PIK3IP1: variants seen among roughly 807,000 people sequenced by gnomAD.
The protein encoded by PIK3IP1 is phosphoinositide-3-kinase-interacting protein 1.
PIK3IP1 carries 28 observed loss-of-function variants against 30.7 expected under a neutral mutation model. The ratio of observed to expected loss-of-function variants is 0.91; its 90% CI spans 0.68 to 1.25. The LOEUF is 1.25. Ranked by LOEUF, PIK3IP1 falls within the 50% of genes most tolerant of loss-of-function variation. The pLI is 0.00. For missense variants in PIK3IP1, 333 were observed against 346.2 expected (o/e 0.96, Z 0.30); for synonymous variants, 159 against 140.8 (o/e 1.13, Z -0.91).
chr22:31,285,117 C>T (rs1383413081), intron 5 of PIK3IP1, among the ~76,000 whole-genome samples: 2 of 151,986 alleles, frequency 1.3e-5, no homozygotes, highest in African/African-American at 4.8e-5. Flanking sequence ...CACCACAGAC[C>T]TCATTCAGAC....
At position 31,283,164 on chromosome 22, in the gene PIK3IP1, C is replaced by T; in HGVS notation, c.712G>A (p.Val238Ile). Residue 238 changes from valine (V) to isoleucine (I), a missense_variant, in exon 6 of 6, where the codon GTC becomes ATC. Coordinates refer to ENST00000215912, the MANE Select transcript of PIK3IP1 (RefSeq NM_052880.5). ...TCAACTGGAGTCTGGCTGGTGTGGACCACGACAGTCTTCTCATCCACAATC... is the reference window on the plus strand; with the variant it reads ...TCAACTGGAGTCTGGCTGGTGTGGATCACGACAGTCTTCTCATCCACAATC... ...CEIVDEKTVVVHTSQTPVDPQ... is the reference protein window; with the variant it reads ...CEIVDEKTVVIHTSQTPVDPQ... 6.2e-7 allele frequency: 1 copy of T among 1,614,104 alleles called. No individual in the cohort carries two copies. The highest frequency in any genetic ancestry group is 8.5e-7 in the Non-Finnish European group (1 of 1,180,008).
intron 1 of PIK3IP1, among the ~76,000 whole-genome samples, chr22:31,291,827 A>G (rs2034758337): frequency 6.6e-6 from 1 of 152,142 alleles, no homozygotes; most frequent in African/African-American, 2.4e-5. Context: ...TCCCAGGAGA[A>G]TTCTCCAGGA....
At chr22:31,291,344 G>A (rs779340365) in intron 1 of PIK3IP1, 48 bp from the exon 2 acceptor site, 4 of 1,527,342 alleles carry the variant, frequency 2.6e-6, no homozygotes, top group South Asian at 1.2e-5. Context: ...GCAGCGAACG[G>A]AAGACGCCCA....
rs1174864471 is a variant in PIK3IP1 at position 31,282,084 on chromosome 22, TA to T, written c.*999del. 2.6e-5 allele frequency: 4 copies of T among 152,236 alleles called. No homozygotes were observed. The highest frequency in any genetic ancestry group is 2.9e-5 in the Non-Finnish European group (2 of 68,060). The allele number at this position is 152,236 out of a possible 1,614,324, so 9.4% of individuals were successfully genotyped here. A position where few individuals can be genotyped will look rare whatever the true frequency, so the allele number is the denominator to read the frequency against. Reference sequence around the variant, plus strand: ...ATGGTTCTTTGATTGCTTTATGAGTTAGGGGCTGTGACCCTAGCCCCAGTGC... The same window carrying T: ...ATGGTTCTTTGATTGCTTTATGAGTTGGGGCTGTGACCCTAGCCCCAGTGC... On this transcript the variant is annotated 3_prime_UTR_variant, in exon 6 of 6. Coordinates refer to ENST00000215912, the MANE Select transcript of PIK3IP1 (RefSeq NM_052880.5).
chr22:31,291,093 G>A lies in PIK3IP1; in HGVS notation c.188-9C>T. The A allele has an allele frequency of 6.5e-7, 1 of 1,549,002 alleles. No homozygotes were observed. The highest frequency in any genetic ancestry group is 8.7e-7 in the Non-Finnish European group (1 of 1,146,312). On this transcript the variant is annotated splice_polypyrimidine_tract_variant and intron_variant, in intron 2 of 5. Coordinates refer to ENST00000215912, the MANE Select transcript of PIK3IP1 (RefSeq NM_052880.5). Reference sequence around the variant, plus strand: ...ACTGTGATTGCCGGCCCCTAAGAGAGGAGAGAAGGAAATGTGTGCCGGGGC... The same window carrying A: ...ACTGTGATTGCCGGCCCCTAAGAGAAGAGAGAAGGAAATGTGTGCCGGGGC...
chr22:31,289,403 A>G lies in PIK3IP1; in HGVS notation c.509-10T>C, dbSNP rs1184029180. The G allele has an allele frequency of 6.2e-7, 1 of 1,600,568 alleles. No individual in the cohort carries two copies. ...ATGCCCAGCACGTAGCCTGCCAAGGATAGGACACAAGGTCCCATTAGCCAC... is the reference window on the plus strand; with the variant it reads ...ATGCCCAGCACGTAGCCTGCCAAGGGTAGGACACAAGGTCCCATTAGCCAC... On this transcript the variant is annotated splice_polypyrimidine_tract_variant and intron_variant, in intron 4 of 5. Transcript: ENST00000215912.
In PIK3IP1 at chr22:31,282,905, C is replaced by T. The variant is rs2049100285; in HGVS notation, c.*179G>A. 1.5e-5 allele frequency: 9 copies of T among 598,894 alleles called. No homozygotes were observed. The highest frequency in any genetic ancestry group is 1.2e-4 in the South Asian group (6 of 50,354). The allele number at this position is 598,894 out of a possible 1,614,324, so 37.1% of individuals were successfully genotyped here. A position where few individuals can be genotyped will look rare whatever the true frequency, so the allele number is the denominator to read the frequency against. ...GACAAGGAGCACTGTTAGGACCCTACCCAGCCTTACCCTCAGCCCACAGGG... is the reference window on the plus strand; with the variant it reads ...GACAAGGAGCACTGTTAGGACCCTATCCAGCCTTACCCTCAGCCCACAGGG... On this transcript the variant is annotated 3_prime_UTR_variant, in exon 6 of 6. Transcript: ENST00000215912.
At chr22:31,286,994 G>C (rs1815224194) in intron 5 of PIK3IP1, among the ~76,000 whole-genome samples, 1 of 146,200 alleles carries the variant, frequency 6.8e-6, no homozygotes, top group African/African-American at 2.5e-5. Context: ...AGAAATCAGA[G>C]AGTACTAGTC....
At position 31,283,173 on chromosome 22, in the gene PIK3IP1, T is replaced by G. The variant is rs2049102980; in HGVS notation, c.703A>C (p.Thr235Pro). 3 of 1,614,148 alleles carry G rather than the reference T, an allele frequency of 1.9e-6. No individual in the cohort carries two copies. The highest frequency in any genetic ancestry group is 1.7e-5 in the Admixed American group (1 of 60,020). Residue 235 changes from threonine to proline, a missense_variant, in exon 6 of 6, where the codon ACT (threonine) becomes CCT (proline). By Grantham distance (38) the Thr-to-Pro change is conservative (BLOSUM62 -1). Transcript: ENST00000215912. ...GTCTGGCTGGTGTGGACCACGACAG[T>G]CTTCTCATCCACAATCTCACAGGTG... ...NPTCEIVDEK[T>P]VVVHTSQTPV...
chr22:31,291,355 G>T, intron 1 of PIK3IP1, 59 bp from the exon 2 acceptor site: 1 of 1,510,736 alleles, frequency 6.6e-7, no homozygotes, highest in African/African-American at 1.4e-5. Context: ...AAGACGCCCA[G>T]CGTGGCGGAC....
intron 1 of PIK3IP1, 115 bp downstream of exon 1, chr22:31,292,160 A>G (rs1281978798): frequency 9.7e-7 from 1 of 1,031,416 alleles, no homozygotes; most frequent in Non-Finnish European, 1.5e-6. Flanking sequence ...TCACGGGACA[A>G]CAGAAACCGG....
intron 5 of PIK3IP1, among the ~76,000 whole-genome samples, chr22:31,286,529 T>C (rs376363415): frequency 1.3e-5 from 2 of 152,208 alleles, no homozygotes; most frequent in East Asian, 3.8e-4. Context: ...TGGTCGTTAG[T>C]GACGGGGAGT....
chr22:31,288,241 G>A (rs559209472), intron 5 of PIK3IP1, among the ~76,000 whole-genome samples: 1 of 152,102 alleles, frequency 6.6e-6, no homozygotes, highest in Non-Finnish European at 1.5e-5. Flanking sequence ...GCCAGGCATG[G>A]TGGGACATGC....
chr22:31,291,278 C>T lies in PIK3IP1; in HGVS notation c.89G>A (p.Gly30Asp), dbSNP rs929776781. 2.1e-5 allele frequency: 32 copies of T among 1,556,192 alleles called. No homozygotes were observed. Among genetic ancestry groups the T allele is most frequent in the Non-Finnish European group, 2.8e-5 (32 of 1,150,666 alleles). ...YGSGGCFWDN[G>D]HLYREDQTSP... ...GGTCTGGTCCTCCCGGTACAGGTGG[C>T]CGTTGTCCCAGAAACAGCCTGTGAG... Residue 30 changes from glycine (G) to aspartate (D), a missense_variant, in exon 2 of 6, where the codon GGC (glycine) becomes GAC (aspartate). By Grantham distance (94) the Gly-to-Asp change is moderately conservative. This residue lies in a region of PIK3IP1 where 111 missense variants were observed against 100.1 expected (regional missense o/e 1.11). Coordinates refer to ENST00000215912, the MANE Select transcript of PIK3IP1 (RefSeq NM_052880.5).
intron 1 of PIK3IP1, 72 bp downstream of exon 1, chr22:31,292,203 G>T: frequency 1.4e-6 from 2 of 1,474,406 alleles, no homozygotes; most frequent in African/African-American, 1.4e-5. Context: ...TCCTGGCCCT[G>T]TTTGGGAAAT....
intron 5 of PIK3IP1, 41 bp downstream of exon 5, chr22:31,289,274 C>T (rs753074560): frequency 2.5e-6 from 4 of 1,599,358 alleles, no homozygotes; most frequent in South Asian, 2.2e-5. Context: ...GTGTACCTTC[C>T]TCCCCTCCTC....
chr22:31,292,468 A>T lies in PIK3IP1; in HGVS notation c.-124T>A. On this transcript the variant is annotated 5_prime_UTR_variant, in exon 1 of 6. Coordinates refer to ENST00000215912, the MANE Select transcript of PIK3IP1 (RefSeq NM_052880.5). ...CCTGCCCTTGTTATGCTGTTCTGGT[A>T]AACAGCCTCTCTTTAGAACTGGGAG... is the stretch of plus-strand genomic sequence containing the variant. 2 of 747,602 alleles carry T rather than the reference A, an allele frequency of 2.7e-6. No individual in the cohort carries two copies. Among genetic ancestry groups the T allele is most frequent in the Non-Finnish European group, 4.7e-6 (2 of 429,548 alleles). 46.3% of individuals were successfully genotyped at this position (747,602 alleles called of 1,614,324 possible).
rs559323986 is a variant in PIK3IP1 at position 31,283,976 on chromosome 22, C to T, written c.588-688G>A. ...CTGGAGTACAATGGCACAATCTCGG[C>T]TCACTGCAACCTCTGCCTCTCAGGT... is the stretch of plus-strand genomic sequence containing the variant. On this transcript the variant is annotated intron_variant, in intron 5 of 5. Transcript: ENST00000215912. Among the ~76,000 whole-genome samples, 7 of 152,264 alleles carry T rather than the reference C, an allele frequency of 4.6e-5. No homozygotes were observed. The East Asian group carries it at 1.3e-3, about 29-fold the overall frequency.
At position 31,284,439 on chromosome 22, in the gene PIK3IP1, T is replaced by C. The variant is rs116214920; in HGVS notation, c.588-1151A>G. ...CTGGCACTAGTCTGGATTAGTCTCATCCATTTGGAAGCCTGGAAGCACACT... is the reference window on the plus strand; with the variant it reads ...CTGGCACTAGTCTGGATTAGTCTCACCCATTTGGAAGCCTGGAAGCACACT... On this transcript the variant is annotated intron_variant, in intron 5 of 5. Transcript: ENST00000215912. Among the ~76,000 whole-genome samples, 714 of 152,310 alleles carry C rather than the reference T, an allele frequency of 4.7e-3. 5 individuals carry two copies. Among genetic ancestry groups the C allele is most frequent in the African/African-American group, 0.016 (672 of 41,562 alleles).
Sources: gnomAD v4.1 joint callset for allele counts (sites outside exome capture counted in the v4.1 genomes callset) on GRCh38, gnomAD v4.1.1 for gene constraint, gnomAD v4.1.1 regional missense constraint, MANE v1.5 for transcripts, NCBI Gene and HGNC (gene_info 2026-07-23, HGNC 2026-07-21) for gene names.